SLX4IP: variants seen among roughly 807,000 people sequenced by gnomAD.
The protein encoded by SLX4IP is protein SLX4IP.
Under a neutral mutation model 32.9 loss-of-function variants are expected in SLX4IP, and 34 were observed. The ratio of observed to expected loss-of-function variants is 1.03; its 90% CI spans 0.79 to 1.38. SLX4IP has a LOEUF of 1.38. Among genes scored for constraint, SLX4IP ranks in the 40% most tolerant of loss-of-function variants. The pLI, the probability that SLX4IP is intolerant of heterozygous loss-of-function variation, is 0.00. For missense variants in SLX4IP, 444 were observed against 479.0 expected, an observed-to-expected ratio of 0.93 and a Z score of 0.68; for synonymous variants, 172 against 171.7, an observed-to-expected ratio of 1.00 and a Z score of -0.01.
intron 1 of SLX4IP, among the ~76,000 whole-genome samples, chr20:10,451,079 T>A (rs112827336): frequency 0.49 from 74,348 of 151,768 alleles, 19,653 homozygotes; most frequent in Non-Finnish European, 0.6. Flanking sequence ...TGTCATTTTA[T>A]TTAGTCCTTT....
chr20:10,564,190 A>T (rs1188731872), intron 4 of SLX4IP, among the ~76,000 whole-genome samples: 1 of 152,156 alleles, frequency 6.6e-6, no homozygotes, highest in East Asian at 1.9e-4. Flanking sequence ...AAATTGATTC[A>T]TGCTTTTACT....
intron 2 of SLX4IP, among the ~76,000 whole-genome samples, chr20:10,492,833 C>T (rs568907272): frequency 6.8e-4 from 103 of 152,268 alleles, no homozygotes; most frequent in Admixed American, 1.5e-3. Flanking sequence ...CTCAGAACAG[C>T]TTATCCTTTC....
chr20:10,436,884 C>T (rs2065120117), intron 1 of SLX4IP, among the ~76,000 whole-genome samples: 1 of 151,220 alleles, frequency 6.6e-6, no homozygotes, highest in African/African-American at 2.4e-5. Flanking sequence ...GTAGGGTTTT[C>T]TCTGTAAGTC....
At chr20:10,588,495 G>A (rs775385761) in intron 4 of SLX4IP, among the ~76,000 whole-genome samples, 9 of 152,094 alleles carry the variant, frequency 5.9e-5, no homozygotes, top group Non-Finnish European at 1.2e-4. Context: ...GCAGTCTCAC[G>A]TCTGGGTATA....
intron 4 of SLX4IP, among the ~76,000 whole-genome samples, chr20:10,580,482 G>A (rs1002878595): frequency 3.1e-4 from 44 of 140,002 alleles, no homozygotes; most frequent in African/African-American, 1.1e-3. Context: ...ACTCCCCTTT[G>A]TTAAGTTAGA....
chr20:10,452,256 C>T (rs928756021), intron 1 of SLX4IP, among the ~76,000 whole-genome samples: 1 of 152,086 alleles, frequency 6.6e-6, no homozygotes, highest in African/African-American at 2.4e-5. Context: ...CCAGGCAGGG[C>T]GTGGTGGCTC....
At chr20:10,497,837 A>AT (rs869178801) in intron 2 of SLX4IP, among the ~76,000 whole-genome samples, 4 of 151,554 alleles carry the variant, frequency 2.6e-5, no homozygotes, top group Admixed American at 1.3e-4. Flanking sequence ...CTTTAAAAAA[A>AT]TTTTTTTTGG....
At chr20:10,519,210 C>T (rs963974523) in intron 2 of SLX4IP, among the ~76,000 whole-genome samples, 1 of 152,096 alleles carries the variant, frequency 6.6e-6, no homozygotes, top group African/African-American at 2.4e-5. Context: ...TTTATGGAGG[C>T]ATAATTCATA....
intron 2 of SLX4IP, among the ~76,000 whole-genome samples, chr20:10,517,580 T>C (rs1054861728): frequency 6.6e-6 from 1 of 152,222 alleles, no homozygotes; most frequent in African/African-American, 2.4e-5. Flanking sequence ...TCCTTGTCCG[T>C]AGGCCGCTTG....
rs183285621 is a variant in SLX4IP, at chr20:10,612,196, A to G, written c.406-9118A>G. Among the ~76,000 whole-genome samples, 395 of 152,318 alleles carry G rather than the reference A, an allele frequency of 2.6e-3. 3 individuals are homozygous for G. Among genetic ancestry groups the G allele is most frequent in the Non-Finnish European group, 2.3e-3 (158 of 68,032 alleles). ...GTTTGTGAAGGCATCACATTTGAAAATGTGTTCAACACTCTCCAGTTTCCA... is the reference window on the plus strand; with the variant it reads ...GTTTGTGAAGGCATCACATTTGAAAGTGTGTTCAACACTCTCCAGTTTCCA... On this transcript the variant is annotated intron_variant, in intron 6 of 7. Coordinates refer to ENST00000334534, the MANE Select transcript of SLX4IP (RefSeq NM_001009608.3).
intron 6 of SLX4IP, among the ~76,000 whole-genome samples, chr20:10,612,500 A>G (rs936282945): frequency 6.6e-6 from 1 of 152,186 alleles, no homozygotes; most frequent in Non-Finnish European, 1.5e-5. Flanking sequence ...TATGTTTTGT[A>G]ATATTCTACT....
rs932079984 is a variant in SLX4IP at position 10,609,861 on chromosome 20, A to G, written c.405+8042A>G. On this transcript the variant is annotated intron_variant, in intron 6 of 7. Coordinates refer to ENST00000334534, the MANE Select transcript of SLX4IP (RefSeq NM_001009608.3). ...GGATAATTCCTAGTATGTTTTCTCTATTTTTTACAGATGTTTCCCTTCTAC... is the reference window on the plus strand; with the variant it reads ...GGATAATTCCTAGTATGTTTTCTCTGTTTTTTACAGATGTTTCCCTTCTAC... Among the ~76,000 whole-genome samples the G allele has an allele frequency of 7.2e-5, 11 of 151,886 alleles. No individual in the cohort carries two copies. The East Asian group carries it at 1.9e-3, about 27-fold the overall frequency.
chr20:10,509,281 C>G (rs1185616624), intron 2 of SLX4IP, among the ~76,000 whole-genome samples: 1 of 152,164 alleles, frequency 6.6e-6, no homozygotes, highest in Non-Finnish European at 1.5e-5. Flanking sequence ...TAGTGGGGAA[C>G]ATGGAGATAA....
chr20:10,593,438 TA>T (rs374915354), intron 4 of SLX4IP, among the ~76,000 whole-genome samples: 2,427 of 147,418 alleles, frequency 0.016, 68 homozygotes, highest in African/African-American at 0.056. Flanking sequence ...CAACTGAGGT[TA>T]AAAAAAAAAG....
At chr20:10,537,347 C>T (rs1434600918) in intron 2 of SLX4IP, among the ~76,000 whole-genome samples, 1 of 152,186 alleles carries the variant, frequency 6.6e-6, no homozygotes, top group African/African-American at 2.4e-5. Flanking sequence ...CTCTTTCCCT[C>T]CCCAACTGGG....
chr20:10,487,994 A>G (rs1388490973), intron 2 of SLX4IP, among the ~76,000 whole-genome samples: 1 of 152,150 alleles, frequency 6.6e-6, no homozygotes, highest in African/African-American at 2.4e-5. Context: ...CTGACTTTGT[A>G]AGTAGGACCT....
At chr20:10,472,787 C>T (rs1230281322) in intron 2 of SLX4IP, among the ~76,000 whole-genome samples, 4 of 152,166 alleles carry the variant, frequency 2.6e-5, no homozygotes, top group African/African-American at 9.7e-5. Context: ...AAGGTGTTAG[C>T]ACCCATCCCT....
chr20:10,549,654 C>T (rs1424959199), intron 2 of SLX4IP, among the ~76,000 whole-genome samples: 2 of 152,208 alleles, frequency 1.3e-5, no homozygotes, highest in Non-Finnish European at 2.9e-5. Context: ...TGTGGAGTCT[C>T]TCAGATCTGG....
chr20:10,504,938 GA>G (rs113686543), intron 2 of SLX4IP, among the ~76,000 whole-genome samples: 5,463 of 151,290 alleles, frequency 0.036, 139 homozygotes, highest in Admixed American at 0.1. Flanking sequence ...ACTGTAGGAG[GA>G]AAAAAAGATA....
Sources: allele counts gnomAD v4.1 joint callset (sites outside exome capture counted in the v4.1 genomes callset), GRCh38; gene constraint gnomAD v4.1.1; transcripts MANE v1.5; gene names NCBI Gene and HGNC (gene_info 2026-07-23, HGNC 2026-07-21).